ALOX5: variants seen among roughly 807,000 people sequenced by gnomAD.
The protein encoded by ALOX5 is polyunsaturated fatty acid 5-lipoxygenase.
Under a neutral mutation model 87.9 loss-of-function variants are expected in ALOX5, and 64 were observed. That is an observed-to-expected ratio of 0.73 (90% CI 0.60 to 0.90). The LOEUF (loss-of-function observed/expected upper bound fraction) is 0.90. ALOX5 is among the 40% of genes least tolerant of loss of function. ALOX5 has a pLI of 0.00. For missense variants in ALOX5, 822 were observed against 907.5 expected (o/e 0.91, Z 1.21); for synonymous variants, 388 against 355.1 (o/e 1.09, Z -1.04).
rs1434811313 is a variant in ALOX5 at position 45,386,658 on chromosome 10, T to C, written c.349+3977T>C. On this transcript the variant is annotated intron_variant, in intron 2 of 13. Transcript: ENST00000374391. ...TTTCTAGTAATTAATTTTTATTATA[T>C]TTTACAAAAATATAATAATCTGTGT... Among the ~76,000 whole-genome samples the C allele has an allele frequency of 2.0e-5, 3 of 152,124 alleles. No homozygotes were observed. The South Asian group carries it at 6.2e-4, about 32-fold the overall frequency.
chr10:45,376,295 T>G (rs1173959599), intron 1 of ALOX5, among the ~76,000 whole-genome samples: 1 of 148,738 alleles, frequency 6.7e-6, no homozygotes, highest in Non-Finnish European at 1.5e-5. Context: ...GCATGTCACA[T>G]TTCCATTGGG....
Position 45,428,600 on chromosome 10 carries a change from T to C in ALOX5, c.835-18T>C. 1 of 1,613,844 alleles carries C rather than the reference T, an allele frequency of 6.2e-7. No individual in the cohort carries two copies. Among genetic ancestry groups the C allele is most frequent in the Non-Finnish European group, 8.5e-7 (1 of 1,179,922 alleles). ...GTCTGCTGAGCCTGATTTGGACACA[T>C]CTCTCTGCCTCCTGCAGCAAGGGAA... is the stretch of plus-strand genomic sequence containing the variant. On this transcript the variant is annotated intron_variant, in intron 6 of 13. Transcript: ENST00000374391.
rs1308315339 is a variant in ALOX5 at position 45,443,296 on chromosome 10, A to G, written c.1451+80A>G. ...TACCTGGGGCGGGCCTGGCCCCTCC[A>G]CCGCTAGCGCTGAATGGGGACGGGG... On this transcript the variant is annotated intron_variant, in intron 10 of 13. Transcript: ENST00000374391. 4 of 1,580,722 alleles carry G rather than the reference A, an allele frequency of 2.5e-6. No individual in the cohort carries two copies. The African/African-American group carries it at 4.0e-5, about 16-fold the overall frequency.
At chr10:45,411,033 G>C (rs1262234647) in intron 3 of ALOX5, among the ~76,000 whole-genome samples, 1 of 152,252 alleles carries the variant, frequency 6.6e-6, no homozygotes, top group African/African-American at 2.4e-5. Flanking sequence ...AGTTTTCCAG[G>C]AGAGGGGTGG....
At chr10:45,407,400 T>C (rs527712511) in intron 3 of ALOX5, among the ~76,000 whole-genome samples, 6 of 151,590 alleles carry the variant, frequency 4.0e-5, no homozygotes, top group African/African-American at 1.2e-4. Flanking sequence ...CCTTTTTTTT[T>C]TTCCCCCCCA....
chr10:45,396,268 A>T (rs1216114953), intron 3 of ALOX5, among the ~76,000 whole-genome samples: 1 of 152,246 alleles, frequency 6.6e-6, no homozygotes, highest in Non-Finnish European at 1.5e-5. Flanking sequence ...TTCAATTATA[A>T]AAGTGATACA....
intron 1 of ALOX5, among the ~76,000 whole-genome samples, chr10:45,379,881 C>T (rs570941131): frequency 6.6e-6 from 1 of 152,258 alleles, no homozygotes; most frequent in South Asian, 2.1e-4. Flanking sequence ...CAGGGCCCAC[C>T]GAGCCTTCTA....
intron 4 of ALOX5, among the ~76,000 whole-genome samples, chr10:45,421,427 T>C (rs1338113400): frequency 2.6e-5 from 4 of 152,234 alleles, no homozygotes; most frequent in Admixed American, 6.5e-5. Context: ...CCTCTGGCAC[T>C]GGGCCATCTT....
chr10:45,416,141 G>C (rs755039729), intron 4 of ALOX5, among the ~76,000 whole-genome samples: 1 of 152,058 alleles, frequency 6.6e-6, no homozygotes, highest in African/African-American at 2.4e-5. Flanking sequence ...ACATTGTGTC[G>C]GTGTTTTGGG....
intron 2 of ALOX5, among the ~76,000 whole-genome samples, chr10:45,388,479 C>G (rs1840080502): frequency 6.6e-6 from 1 of 152,242 alleles, no homozygotes; most frequent in South Asian, 2.1e-4. Context: ...CCAGGTACAC[C>G]TCTGAGACAA....
chr10:45,444,131 T>C lies in ALOX5; in HGVS notation c.1690T>C (p.Trp564Arg). The C allele has an allele frequency of 6.5e-7, 1 of 1,546,900 alleles. No homozygotes were observed. Among genetic ancestry groups the C allele is most frequent in the South Asian group, 1.2e-5 (1 of 83,836 alleles). ...GTCTCCGCAGTACGACTGGTGCTCC[T>C]GGATCCCCAATGCGCCCCCAACCAT... ...VNFGQYDWCS[W>R]IPNAPPTMRA... The change falls in exon 13 of 14, where the codon TGG becomes CGG. Residue 564 changes from tryptophan (W) to arginine (R), a missense_variant. Trp to Arg is a moderately radical substitution (Grantham distance 101). Transcript: ENST00000374391.
At chr10:45,376,093 G>A (rs545860066) in intron 1 of ALOX5, among the ~76,000 whole-genome samples, 1 of 152,314 alleles carries the variant, frequency 6.6e-6, no homozygotes, top group East Asian at 1.9e-4. Context: ...CGGGCACCCC[G>A]TGTGTGCTTT....
chr10:45,382,637 G>T lies in ALOX5; in HGVS notation c.305G>T (p.Arg102Leu), dbSNP rs923445285. The stretch of plus-strand genomic sequence containing the variant: ...GACTACATCGAGTTCCCCTGCTACC[G>T]CTGGATCACCGGCGATGTCGAGGTT... Reference protein sequence around the residue: ...HGDYIEFPCYRWITGDVEVVL... With the variant: ...HGDYIEFPCYLWITGDVEVVL... The change falls in exon 2 of 14, where the codon CGC becomes CTC. Residue 102 changes from arginine (R) to leucine (L), a missense_variant. Coordinates refer to ENST00000374391, the MANE Select transcript of ALOX5 (RefSeq NM_000698.5). 1 of 1,613,834 alleles carries T rather than the reference G, an allele frequency of 6.2e-7. No individual in the cohort carries two copies. The highest frequency in any genetic ancestry group is 8.5e-7 in the Non-Finnish European group (1 of 1,179,944).
At chr10:45,413,807 A>C (rs184620511) in intron 4 of ALOX5, among the ~76,000 whole-genome samples, 18 of 151,750 alleles carry the variant, frequency 1.2e-4, no homozygotes, top group African/African-American at 4.1e-4. Context: ...TAACAGACAG[A>C]CAGCCAAATC....
chr10:45,423,227 G>T (rs564052753), intron 4 of ALOX5, among the ~76,000 whole-genome samples: 3 of 152,248 alleles, frequency 2.0e-5, no homozygotes, highest in Non-Finnish European at 4.4e-5. Flanking sequence ...GGCAACCAGA[G>T]TCAAGGCTGA....
intron 7 of ALOX5, among the ~76,000 whole-genome samples, chr10:45,430,479 T>C (rs1841871042): frequency 6.6e-6 from 1 of 151,514 alleles, no homozygotes; most frequent in Admixed American, 6.6e-5. Context: ...AAAAGAGTAA[T>C]TATAGCCAGG....
At chr10:45,412,915 G>A (rs559663217) in intron 4 of ALOX5, among the ~76,000 whole-genome samples, 19 of 152,246 alleles carry the variant, frequency 1.2e-4, no homozygotes, top group African/African-American at 4.1e-4. Context: ...CCAGGCTATC[G>A]GGAGACTCTA....
intron 7 of ALOX5, among the ~76,000 whole-genome samples, chr10:45,432,281 G>A (rs1231939453): frequency 1.3e-5 from 2 of 151,116 alleles, no homozygotes; most frequent in African/African-American, 4.9e-5. Context: ...GATGGCTTGA[G>A]TCCAGGAGTT....
chr10:45,393,522 C>G (rs559609788), intron 2 of ALOX5, among the ~76,000 whole-genome samples: 1 of 152,288 alleles, frequency 6.6e-6, no homozygotes, highest in African/African-American at 2.4e-5. Context: ...AAACTGGAAG[C>G]ATTCCCTTTG....
Sources: gnomAD v4.1 joint callset for allele counts (sites outside exome capture counted in the v4.1 genomes callset) on GRCh38, gnomAD v4.1.1 for gene constraint, MANE v1.5 for transcripts, NCBI Gene and HGNC (gene_info 2026-07-23, HGNC 2026-07-21) for gene names.